Variants in PPP2R1B observed in about 807,000 individuals in gnomAD.
The protein encoded by PPP2R1B is protein phosphatase 2 scaffold subunit Abeta.
Under a neutral mutation model 72.7 loss-of-function variants are expected in PPP2R1B, and 58 were observed. The observed-to-expected ratio is 0.80, with a 90% CI of 0.65 to 0.99. The LOEUF is 0.99. PPP2R1B is among the 50% of genes least tolerant of loss of function. The probability of loss-of-function intolerance (pLI) is 0.00; values close to 1 mark genes in which losing one functional copy is unlikely to be tolerated. For synonymous variants in PPP2R1B, 256 were observed against 264.6 expected (o/e 0.97, Z 0.32); for missense variants, 695 against 733.6 (o/e 0.95, Z 0.61).
At chr11:111,731,026 A>G (rs1300916575) in intron 15 of PPP2R1B, among the ~76,000 whole-genome samples, 2 of 152,228 alleles carry the variant, frequency 1.3e-5, no homozygotes. Context: ...AGCAGGGTAA[A>G]TAATACCTTG....
the PPP2R1B span, chr11:111,719,657 C>A: frequency 1.0e-6 from 1 of 969,532 alleles, no homozygotes; most frequent in Non-Finnish European, 1.6e-6. Context: ...TAAATATGTG[C>A]ATGTTTAAAT....
At chr11:111,691,083 C>T in the PPP2R1B span, among the ~76,000 whole-genome samples, 1 of 152,162 alleles carries the variant, frequency 6.6e-6, no homozygotes, top group Non-Finnish European at 1.5e-5. Context: ...ATTGCTTTGA[C>T]GTTATAACCA....
the PPP2R1B span, among the ~76,000 whole-genome samples, chr11:111,708,792 T>TGA: frequency 6.6e-6 from 1 of 152,074 alleles, no homozygotes; most frequent in Admixed American, 6.5e-5. Context: ...CTTGCAATGT[T>TGA]GCCTAGGCTG....
chr11:111,760,251 A>G (rs1386259860), intron 4 of PPP2R1B, among the ~76,000 whole-genome samples: 2 of 152,198 alleles, frequency 1.3e-5, no homozygotes, highest in African/African-American at 4.8e-5. Context: ...CTATATGCCA[A>G]AAATATTTTT....
intron 7 of PPP2R1B, among the ~76,000 whole-genome samples, 188 bp downstream of exon 7, chr11:111,754,782 AAAAACAAGAC>A (rs1393458227): frequency 6.6e-6 from 1 of 152,020 alleles, no homozygotes; most frequent in East Asian, 1.9e-4. Context: ...TTTTTTTTAC[AAAAACAAGAC>A]AAAATGATTT....
chr11:111,715,257 T>C, the PPP2R1B span, among the ~76,000 whole-genome samples: 4 of 152,320 alleles, frequency 2.6e-5, no homozygotes, highest in African/African-American at 9.6e-5. Context: ...GCAAAAACGC[T>C]TGTCCCTCTT....
the PPP2R1B span, among the ~76,000 whole-genome samples, chr11:111,715,568 G>A: frequency 1.3e-5 from 2 of 152,050 alleles, no homozygotes; most frequent in African/African-American, 4.8e-5. Flanking sequence ...GGAAACTTTG[G>A]TTTGCAGTTT....
At chr11:111,749,113 G>A (rs148127129) in intron 10 of PPP2R1B, among the ~76,000 whole-genome samples, 131 of 152,106 alleles carry the variant, frequency 8.6e-4, no homozygotes, top group African/African-American at 3.1e-3. Flanking sequence ...CCAAAGTGCT[G>A]GGATTACAGG....
intron 8 of PPP2R1B, 90 bp downstream of exon 8, chr11:111,754,409 G>C: frequency 6.8e-7 from 1 of 1,481,002 alleles, no homozygotes; most frequent in Non-Finnish European, 9.0e-7. Flanking sequence ...TAAACTCAAA[G>C]AGCTTTAAGG....
chr11:111,751,075 G>A (rs1238258549), intron 10 of PPP2R1B, among the ~76,000 whole-genome samples: 8 of 152,166 alleles, frequency 5.3e-5, no homozygotes, highest in Admixed American at 5.2e-4. Flanking sequence ...CTAGCCTCAA[G>A]TGATTCGCCT....
chr11:111,690,815 T>C, the PPP2R1B span, among the ~76,000 whole-genome samples: 2 of 152,230 alleles, frequency 1.3e-5, no homozygotes, highest in African/African-American at 4.8e-5. Flanking sequence ...CTGCGTAGTA[T>C]TCCATTGTGT....
At chr11:111,722,588 A>G, downstream of PPP2R1B, 1 of 1,339,744 alleles carries the variant, frequency 7.5e-7, no homozygotes, top group Non-Finnish European at 1.1e-6. This position sits in a 1 kb window ranked among gnomAD's most constrained non-coding sequence, Gnocchi z 4.4. Flanking sequence ...TTCATCCTGC[A>G]GGCAGAAGCA....
downstream of PPP2R1B, chr11:111,723,614 C>A: frequency 1.2e-6 from 2 of 1,614,166 alleles, no homozygotes; most frequent in Non-Finnish European, 1.7e-6. Context: ...CCTTCCCCGC[C>A]AGGAGACTCC....
downstream of PPP2R1B, among the ~76,000 whole-genome samples, chr11:111,735,088 G>T (rs995337568): frequency 1.3e-5 from 2 of 152,220 alleles, no homozygotes; most frequent in African/African-American, 2.4e-5. Flanking sequence ...GAAAAAACCA[G>T]AAACAAGAGT....
rs1944422910 is a variant in PPP2R1B, at chr11:111,738,882, T to TCGTG, written c.*2713_*2714insCACG. The TCGTG allele has an allele frequency of 1.2e-6, 1 of 829,380 alleles. No homozygotes were observed. Among genetic ancestry groups the TCGTG allele is most frequent in the African/African-American group, 2.0e-5 (1 of 49,946 alleles). 51.4% of individuals were successfully genotyped at this position (829,380 alleles called of 1,614,324 possible). On this transcript the variant is annotated 3_prime_UTR_variant, in exon 15 of 15. Coordinates refer to ENST00000527614, the MANE Select transcript of PPP2R1B (RefSeq NM_002716.5). ...ATTTTTATTGGCATAGGTTATATGT[T>TCGTG]TGTGTGTGTGTGTGTGTGTGTGTGT... is the stretch of plus-strand genomic sequence containing the variant.
chr11:111,698,824 T>C, the PPP2R1B span, among the ~76,000 whole-genome samples: 2 of 152,354 alleles, frequency 1.3e-5, no homozygotes, highest in East Asian at 3.9e-4. Context: ...CAGCAATTAT[T>C]GTATGTATTT....
downstream of PPP2R1B, chr11:111,723,616 G>A: frequency 1.2e-6 from 2 of 1,614,130 alleles, no homozygotes; most frequent in African/African-American, 2.7e-5. Context: ...TTCCCCGCCA[G>A]GAGACTCCAC....
the PPP2R1B span, chr11:111,719,861 C>T: frequency 6.2e-7 from 1 of 1,614,132 alleles, no homozygotes; most frequent in Non-Finnish European, 8.5e-7. Context: ...TGGAGACCTC[C>T]ATTGACGAAG....
At chr11:111,696,821 T>C in the PPP2R1B span, among the ~76,000 whole-genome samples, 1 of 152,230 alleles carries the variant, frequency 6.6e-6, no homozygotes, top group Non-Finnish European at 1.5e-5. Context: ...TGATGAAGCA[T>C]GAGTATAGTC....
Sources: allele counts gnomAD v4.1 joint callset (sites outside exome capture counted in the v4.1 genomes callset), GRCh38; gene constraint gnomAD v4.1.1; non-coding constraint Gnocchi (gnomAD v3.1); transcripts MANE v1.5; gene names NCBI Gene and HGNC (gene_info 2026-07-23, HGNC 2026-07-21).